The following FANCL variants were observed in gnomAD, a reference collection of about 807,000 sequenced individuals.
The protein encoded by FANCL is E3 ubiquitin-protein ligase FANCL.
In FANCL, 69 loss-of-function variants were observed where a neutral mutation model predicts 59.4. That is an observed-to-expected ratio of 1.16 (90% CI 0.96 to 1.42). The LOEUF is 1.42. Among genes scored for constraint, FANCL ranks in the 40% most tolerant of loss-of-function variants. FANCL has a pLI of 0.00. For missense variants in FANCL, 519 were observed against 447.2 expected, an observed-to-expected ratio of 1.16 and a Z score of -1.45; for synonymous variants, 180 against 147.1, an observed-to-expected ratio of 1.22 and a Z score of -1.62.
chr2:58,233,231 C>G (rs751221353), intron 1 of FANCL, among the ~76,000 whole-genome samples: 2 of 135,930 alleles, frequency 1.5e-5, no homozygotes, highest in African/African-American at 6.7e-5. Flanking sequence ...TTAATTTACA[C>G]GAAAAATAGA....
chr2:58,241,250 T>A lies in FANCL; in HGVS notation c.64A>T (p.Lys22Ter), dbSNP rs756420413. 1 of 1,614,242 alleles carries A rather than the reference T, an allele frequency of 6.2e-7. No homozygotes were observed. The highest frequency in any genetic ancestry group is 8.5e-7 in the Non-Finnish European group (1 of 1,180,030). ...CPLLLPQNRS[K>*]TVYEGFISAQ... ...GAGATGAATCCCTCATACACGGTTTTCGACCGGTTCTGGGGCAGAAGCAGG... is the reference window on the plus strand; with the variant it reads ...GAGATGAATCCCTCATACACGGTTTACGACCGGTTCTGGGGCAGAAGCAGG... The change falls in exon 1 of 14, where the codon AAA (lysine) becomes TAA (stop). Residue 22 changes from lysine to a stop codon, truncating the protein, a stop_gained. Coordinates refer to ENST00000233741, the MANE Select transcript of FANCL (RefSeq NM_018062.4). LOFTEE classifies it high-confidence loss of function.
chr2:58,163,717 T>A (rs530710619), intron 8 of FANCL, among the ~76,000 whole-genome samples, 200 bp from the exon 9 acceptor site: 2 of 152,132 alleles, frequency 1.3e-5, no homozygotes, highest in South Asian at 4.1e-4. Context: ...ATTGAAAGGA[T>A]CTTAAATTTC....
chr2:58,202,484 T>A (rs1573691725), intron 6 of FANCL, among the ~76,000 whole-genome samples: 1 of 151,830 alleles, frequency 6.6e-6, no homozygotes, highest in East Asian at 1.9e-4. Flanking sequence ...CATACCAACA[T>A]AAGATTCAGT....
At chr2:58,206,166 C>T (rs1408974770) in intron 5 of FANCL, among the ~76,000 whole-genome samples, 3 of 151,816 alleles carry the variant, frequency 2.0e-5, no homozygotes, top group Admixed American at 2.0e-4. Context: ...TCAAGAGATA[C>T]CATCTTTAAT....
intron 12 of FANCL, among the ~76,000 whole-genome samples, chr2:58,160,594 CTT>C (rs2104774252): frequency 6.6e-6 from 1 of 152,118 alleles, no homozygotes; most frequent in African/African-American, 2.4e-5. Context: ...AAATTTCCCT[CTT>C]AGTTCTGGTC....
intron 7 of FANCL, among the ~76,000 whole-genome samples, chr2:58,196,998 A>G (rs1208766111): frequency 1.3e-5 from 2 of 151,872 alleles, no homozygotes; most frequent in Non-Finnish European, 2.9e-5. Flanking sequence ...AAAGAAAGCT[A>G]TAAAATTTAT....
intron 7 of FANCL, among the ~76,000 whole-genome samples, chr2:58,171,923 G>C (rs958373337): frequency 1.3e-5 from 2 of 152,208 alleles, no homozygotes; most frequent in Non-Finnish European, 2.9e-5. Context: ...CTTTTCCGAC[G>C]GGTTTAAAAA....
intron 12 of FANCL, 88 bp from the exon 13 acceptor site, chr2:58,160,267 A>T: frequency 7.4e-7 from 1 of 1,348,392 alleles, no homozygotes; most frequent in Non-Finnish European, 1.1e-6. Context: ...TTTTAAGTGC[A>T]TTATGTTTTT....
intron 5 of FANCL, among the ~76,000 whole-genome samples, chr2:58,210,951 G>A (rs1691082617): frequency 6.6e-6 from 1 of 152,214 alleles, no homozygotes; most frequent in African/African-American, 2.4e-5. Flanking sequence ...TCATGGGCTG[G>A]TGTTGAGTGC....
At chr2:58,202,239 TAAAAAAA>T (rs5831491) in intron 6 of FANCL, among the ~76,000 whole-genome samples, 1 of 106,094 alleles carries the variant, frequency 9.4e-6, no homozygotes. Context: ...ACCTTTTTCC[TAAAAAAA>T]AAAAAAAAAA....
intron 7 of FANCL, among the ~76,000 whole-genome samples, chr2:58,187,260 T>C (rs1428358393): frequency 6.6e-6 from 1 of 152,078 alleles, no homozygotes; most frequent in African/African-American, 2.4e-5. Context: ...TACATGTCCT[T>C]TGTTGGGACA....
At chr2:58,169,042 C>T (rs1686255102) in intron 7 of FANCL, among the ~76,000 whole-genome samples, 1 of 152,166 alleles carries the variant, frequency 6.6e-6, no homozygotes, top group African/African-American at 2.4e-5. Context: ...CTTAAATGTT[C>T]CTGCCTGCTG....
At chr2:58,169,454 C>T (rs894937731) in intron 7 of FANCL, among the ~76,000 whole-genome samples, 5 of 152,034 alleles carry the variant, frequency 3.3e-5, no homozygotes, top group African/African-American at 7.3e-5. Flanking sequence ...AGGAAAAACT[C>T]GCACAAAAAG....
At chr2:58,219,513 G>C (rs989283444) in intron 5 of FANCL, among the ~76,000 whole-genome samples, 2 of 151,642 alleles carry the variant, frequency 1.3e-5, no homozygotes, top group African/African-American at 4.9e-5. Flanking sequence ...GTAAAGTGTG[G>C]AGAGAGAGAA....
rs757041554 is a variant in FANCL at position 58,161,644 on chromosome 2, AAAG to A, written c.904-9_904-7del. On this transcript the variant is annotated splice_polypyrimidine_tract_variant and splice_region_variant and intron_variant, in intron 11 of 13. Transcript: ENST00000233741. ...CCACAATCCATAGTAAAATCCTTCAAAAGAAAAATATTTATAAAAAGCGTATGT... is the reference window on the plus strand; with the variant it reads ...CCACAATCCATAGTAAAATCCTTCAAAAAAATATTTATAAAAAGCGTATGT... 1.3e-6 allele frequency: 2 copies of A among 1,575,084 alleles called. No individual in the cohort carries two copies. Among genetic ancestry groups the A allele is most frequent in the East Asian group, 4.5e-5 (2 of 44,484 alleles).
chr2:58,204,902 T>C (rs1690436514), intron 5 of FANCL, among the ~76,000 whole-genome samples: 1 of 152,118 alleles, frequency 6.6e-6, no homozygotes, highest in African/African-American at 2.4e-5. Context: ...GCATGAATTT[T>C]CTACAATGGA....
At chr2:58,160,277 T>C in intron 12 of FANCL, 98 bp from the exon 13 acceptor site, 1 of 1,256,242 alleles carries the variant, frequency 8.0e-7, no homozygotes, top group Non-Finnish European at 1.2e-6. Flanking sequence ...ATTATGTTTT[T>C]ATTCCAGAAG....
intron 8 of FANCL, among the ~76,000 whole-genome samples, 170 bp downstream of exon 8, chr2:58,165,554 C>T (rs1685826062): frequency 6.6e-6 from 1 of 152,166 alleles, no homozygotes; most frequent in Non-Finnish European, 1.5e-5. Context: ...TTCTCCTTTT[C>T]ACCTAAAATA....
intron 5 of FANCL, among the ~76,000 whole-genome samples, chr2:58,217,189 T>C (rs1183548936): frequency 2.4e-4 from 1 of 4,246 alleles, no homozygotes; most frequent in Non-Finnish European, 4.3e-4. Context: ...TATATATATA[T>C]ATATATATAT....
Sources: allele counts gnomAD v4.1 joint callset (sites outside exome capture counted in the v4.1 genomes callset), GRCh38; gene constraint gnomAD v4.1.1; transcripts MANE v1.5; gene names NCBI Gene and HGNC (gene_info 2026-07-23, HGNC 2026-07-21).